Variants in SEC24C observed in about 807,000 individuals in gnomAD.
SEC24C encodes protein transport protein Sec24C.
SEC24C carries 22 observed loss-of-function variants against 117.0 expected under a neutral mutation model. The ratio of observed to expected loss-of-function variants is 0.19; its 90% CI spans 0.13 to 0.27. The LOEUF is 0.27. Ranked by LOEUF, SEC24C falls within the 10% of genes least tolerant of loss-of-function variation. The pLI, the probability that SEC24C is intolerant of heterozygous loss-of-function variation, is 1.00. For synonymous variants in SEC24C, 506 were observed against 529.4 expected (o/e 0.96, Z 0.61); for missense variants, 1,155 against 1,375.1 (o/e 0.84, Z 2.53).
At position 73,769,411 on chromosome 10, in the gene SEC24C, A is replaced by G. The variant is rs1245422131; in HGVS notation, c.2489A>G (p.Asn830Ser). Reference sequence around the variant, plus strand: ...CTCCGCATCCATAATCTGGCCCTGAACTGCTGCACCCAGCTGGCTGATCTA... The same window carrying G: ...CTCCGCATCCATAATCTGGCCCTGAGCTGCTGCACCCAGCTGGCTGATCTA... The part of the protein sequence containing the change: ...RRLRIHNLAL[N>S]CCTQLADLYR... The change falls in exon 18 of 23, where the codon AAC becomes AGC. Residue 830 changes from asparagine to serine, a missense_variant. Coordinates refer to ENST00000345254, the MANE Select transcript of SEC24C (RefSeq NM_198597.3). This position sits in a 1 kb window ranked among gnomAD's most constrained non-coding sequence, Gnocchi z 4.5. 6.2e-7 allele frequency: 1 copy of G among 1,614,040 alleles called. No homozygotes were observed.
chr10:73,763,667 C>CTTTATTT (rs2082832114), intron 7 of SEC24C, 66 bp downstream of exon 7: 1 of 58,202 alleles, frequency 1.7e-5, no homozygotes, highest in Non-Finnish European at 3.2e-5. Context: ...ATGGTTGGGG[C>CTTTATTT]TTTTTTTTTT....
chr10:73,766,462 T>C lies in SEC24C; in HGVS notation c.1720T>C (p.Ser574Pro). ...SLAQPQMMVVSDVADMFVPLL... is the reference protein window; with the variant it reads ...SLAQPQMMVVPDVADMFVPLL... ...GGCCCAGCCACAGATGATGGTTGTGTCTGATGTGGCTGACATGTTTGTGCC... is the reference window on the plus strand; with the variant it reads ...GGCCCAGCCACAGATGATGGTTGTGCCTGATGTGGCTGACATGTTTGTGCC... The change falls in exon 12 of 23, where the codon TCT becomes CCT. Residue 574 changes from serine to proline, a missense_variant. Ser to Pro is a moderately conservative substitution (Grantham distance 74, BLOSUM62 -1). Coordinates refer to ENST00000345254, the MANE Select transcript of SEC24C (RefSeq NM_198597.3). The C allele has an allele frequency of 6.2e-7, 1 of 1,614,134 alleles. No homozygotes were observed. Among genetic ancestry groups the C allele is most frequent in the Non-Finnish European group, 8.5e-7 (1 of 1,180,040 alleles).
At chr10:73,762,905 T>C (rs1245662561) in intron 6 of SEC24C, among the ~76,000 whole-genome samples, 1 of 152,216 alleles carries the variant, frequency 6.6e-6, no homozygotes, top group Non-Finnish European at 1.5e-5. Context: ...TCTCCTCCTA[T>C]ATATACACAT....
In SEC24C at chr10:73,759,623, C is replaced by T. The variant is rs2082763708; in HGVS notation, c.310C>T (p.Leu104=). ...CCTCTGCTTGCTTTCTTTTCACAGG[C>T]TGCCTGGGTCTCAGCCATTTGGGTC... The part of the protein sequence containing the change: ...GPSSTVQMQR[L]PGSQPFGSPL... Residue 104 remains leucine (L), a splice_region_variant and synonymous_variant, in exon 4 of 23, where the codon CTG becomes TTG. Coordinates refer to ENST00000345254, the MANE Select transcript of SEC24C (RefSeq NM_198597.3). The T allele has an allele frequency of 1.3e-6, 2 of 1,511,080 alleles. No homozygotes were observed. The highest frequency in any genetic ancestry group is 1.4e-5 in the African/African-American group (1 of 71,188). The allele number at this position is 1,511,080 out of a possible 1,614,324, so 93.6% of individuals were successfully genotyped here.
At position 73,768,890 on chromosome 10, in the gene SEC24C, G is replaced by A. The variant is rs765562566; in HGVS notation, c.2262G>A (p.Arg754=). 1.2e-6 allele frequency: 2 copies of A among 1,614,196 alleles called. No homozygotes were observed. The highest frequency in any genetic ancestry group is 1.7e-6 in the Non-Finnish European group (2 of 1,180,040). Residue 754 remains arginine, a synonymous_variant, in exon 16 of 23, where the codon CGG becomes CGA. Coordinates refer to ENST00000345254, the MANE Select transcript of SEC24C (RefSeq NM_198597.3). The part of the protein sequence containing the change: ...QKVVGFDAVM[R]VRTSTGIRAV... ...TTGTTGGCTTTGATGCTGTGATGCGGGTCCGGACAAGCACTGGTCAGTCCT... is the reference window on the plus strand; with the variant it reads ...TTGTTGGCTTTGATGCTGTGATGCGAGTCCGGACAAGCACTGGTCAGTCCT...
intron 6 of SEC24C, chr10:73,762,310 T>C: frequency 2.1e-6 from 1 of 485,706 alleles, no homozygotes; most frequent in Non-Finnish European, 3.5e-6. Context: ...GATACTCACT[T>C]ATACAAGATA....
chr10:73,770,071 G>A (rs1219585159), intron 20 of SEC24C, 56 bp downstream of exon 20: 8 of 1,521,652 alleles, frequency 5.3e-6, no homozygotes, highest in Non-Finnish European at 7.3e-6. Context: ...CCTCTTAGGA[G>A]GAGGAAAGGA....
Position 73,768,909 on chromosome 10 carries a change from C to G in SEC24C, c.2278+3C>G. The stretch of plus-strand genomic sequence containing the variant: ...GATGCGGGTCCGGACAAGCACTGGT[C>G]AGTCCTGATTGAAGAGCAGGTTGGG... On this transcript the variant is annotated splice_donor_region_variant and intron_variant, in intron 16 of 22. Coordinates refer to ENST00000345254, the MANE Select transcript of SEC24C (RefSeq NM_198597.3). The G allele has an allele frequency of 6.2e-7, 1 of 1,614,140 alleles. No individual in the cohort carries two copies. Among genetic ancestry groups the G allele is most frequent in the Non-Finnish European group, 8.5e-7 (1 of 1,180,026 alleles).
chr10:73,748,178 C>T (rs1299085860), intron 2 of SEC24C, among the ~76,000 whole-genome samples: 1 of 151,926 alleles, frequency 6.6e-6, no homozygotes, highest in East Asian at 1.9e-4. Context: ...CTCTGTTGCC[C>T]AGGCTGGAGT....
intron 15 of SEC24C, 49 bp downstream of exon 15, chr10:73,768,056 C>T: frequency 6.4e-7 from 1 of 1,555,056 alleles, no homozygotes; most frequent in East Asian, 2.3e-5. Flanking sequence ...CTGGGAATAT[C>T]TGCTTATATA....
chr10:73,762,257 T>C, intron 6 of SEC24C: 1 of 829,556 alleles, frequency 1.2e-6, no homozygotes, highest in Non-Finnish European at 1.8e-6. Flanking sequence ...TCATCTACCA[T>C]GTCCATTCCT....
At position 73,763,593 on chromosome 10, in the gene SEC24C, A is replaced by G. The variant is rs1285050163; in HGVS notation, c.1091A>G (p.Lys364Arg). ...PPLVTTNFLV[K>R]DQGNASPRYI... ...TTAGTCACTACCAACTTCCTGGTGAAAGACCAAGGTGAGAATGGAATTAGC... is the reference window on the plus strand; with the variant it reads ...TTAGTCACTACCAACTTCCTGGTGAGAGACCAAGGTGAGAATGGAATTAGC... Residue 364 changes from lysine to arginine, a missense_variant, in exon 7 of 23, where the codon AAA becomes AGA. Around this residue, in one of 2 missense-constraint regions of SEC24C, gnomAD observed 759 missense variants for 992.3 expected, o/e 0.76. Transcript: ENST00000345254. The G allele has an allele frequency of 1.2e-6, 2 of 1,602,440 alleles. No individual in the cohort carries two copies. The highest frequency in any genetic ancestry group is 1.1e-5 in the South Asian group (1 of 90,766).
In SEC24C at chr10:73,769,390, G is replaced by A; in HGVS notation, c.2468G>A (p.Arg823His). The A allele has an allele frequency of 1.9e-6, 3 of 1,614,038 alleles. No homozygotes were observed. The highest frequency in any genetic ancestry group is 2.2e-5 in the East Asian group (1 of 44,876). ...AGCTGTGCAGGGCAGCGTCGGCTCC[G>A]CATCCATAATCTGGCCCTGAACTGC... ...YTSCAGQRRL[R>H]IHNLALNCCT... The change falls in exon 18 of 23, where the codon CGC (arginine) becomes CAC (histidine). Residue 823 changes from arginine to histidine, a missense_variant. Around this residue, in one of 2 missense-constraint regions of SEC24C, gnomAD observed 759 missense variants for 992.3 expected, o/e 0.76. Coordinates refer to ENST00000345254, the MANE Select transcript of SEC24C (RefSeq NM_198597.3). This position sits in a 1 kb window ranked among gnomAD's most constrained non-coding sequence, Gnocchi z 4.5.
chr10:73,766,706 G>A (rs1353647927), intron 12 of SEC24C, 54 bp from the exon 13 acceptor site: 16 of 1,527,378 alleles, frequency 1.0e-5, no homozygotes, highest in Admixed American at 1.7e-5. Context: ...GAGAACTGAG[G>A]TATCTGGAAT....
In SEC24C at chr10:73,759,674, C is replaced by T. The variant is rs778551472; in HGVS notation, c.361C>T (p.Pro121Ser). 1.3e-6 allele frequency: 2 copies of T among 1,583,466 alleles called. No homozygotes were observed. Among genetic ancestry groups the T allele is most frequent in the Admixed American group, 1.9e-5 (1 of 51,882 alleles). The stretch of plus-strand genomic sequence containing the variant: ...CCCATTGGCCCCTGTGGGCAACCAG[C>T]CACCTGTGCTTCAGCCCTATGGCCC... ...GSPLAPVGNQ[P>S]PVLQPYGPPP... Residue 121 changes from proline to serine, a missense_variant, in exon 4 of 23, where the codon CCA becomes TCA. By Grantham distance (74) the Pro-to-Ser change is moderately conservative. Coordinates refer to ENST00000345254, the MANE Select transcript of SEC24C (RefSeq NM_198597.3).
At position 73,766,429 on chromosome 10, in the gene SEC24C, A is replaced by G; in HGVS notation, c.1687A>G (p.Ser563Gly). 6.2e-7 allele frequency: 1 copy of G among 1,614,166 alleles called. No homozygotes were observed. The highest frequency in any genetic ancestry group is 8.5e-7 in the Non-Finnish European group (1 of 1,180,030). The change falls in exon 12 of 23, where the codon AGC becomes GGC. Residue 563 changes from serine to glycine, a missense_variant. Transcript: ENST00000345254. Reference protein sequence around the residue: ...NKVLHFYNVKSSLAQPQMMVV... With the variant: ...NKVLHFYNVKGSLAQPQMMVV... ...GGTGCTCCACTTCTATAATGTGAAG[A>G]GCTCATTGGCCCAGCCACAGATGAT...
At position 73,748,446 on chromosome 10, in the gene SEC24C, A is replaced by G. The variant is rs149565356; in HGVS notation, c.172+1442A>G. ...CACCACCTCTGGCCTTATTTTTAAT[A>G]TTTTTTGAGATGGAATTTTGCTCTT... On this transcript the variant is annotated intron_variant, in intron 2 of 22. Coordinates refer to ENST00000345254, the MANE Select transcript of SEC24C (RefSeq NM_198597.3). Among the ~76,000 whole-genome samples, 844 of 143,176 alleles carry G rather than the reference A, an allele frequency of 5.9e-3. 13 individuals are homozygous for G. The highest frequency in any genetic ancestry group is 0.021 in the African/African-American group (795 of 38,178). The allele number at this position is 143,176 out of a possible 152,430, so 93.9% of individuals were successfully genotyped here.
chr10:73,757,096 T>G (rs918675315), intron 3 of SEC24C, among the ~76,000 whole-genome samples: 3 of 149,080 alleles, frequency 2.0e-5, no homozygotes, highest in Non-Finnish European at 4.5e-5. Context: ...ATTTTTTTAG[T>G]AGAGATGGAG....
chr10:73,749,476 A>G (rs1320773487), intron 2 of SEC24C, among the ~76,000 whole-genome samples: 2 of 151,506 alleles, frequency 1.3e-5, no homozygotes, highest in Non-Finnish European at 2.9e-5. Flanking sequence ...TGGTAATAAG[A>G]TAATACTAAT....
Sources: gnomAD v4.1 joint callset for allele counts (sites outside exome capture counted in the v4.1 genomes callset) on GRCh38, gnomAD v4.1.1 for gene constraint, gnomAD v4.1.1 regional missense constraint, Gnocchi (gnomAD v3.1) non-coding constraint, MANE v1.5 for transcripts, NCBI Gene and HGNC (gene_info 2026-07-23, HGNC 2026-07-21) for gene names.